The following AFF2 variants were observed in gnomAD, a reference collection of about 807,000 sequenced individuals.
AFF2 encodes the protein ALF transcription elongation factor 2, also known as AF4/FMR2 family member 2.
AFF2 carries 14 observed loss-of-function variants against 76.9 expected under a neutral mutation model. The ratio of observed to expected loss-of-function variants is 0.18; its 90% CI spans 0.12 to 0.28. The LOEUF is 0.28. Ranked by LOEUF, AFF2 falls within the 10% of genes least tolerant of loss-of-function variation. The pLI is 1.00. For missense variants in AFF2, 868 were observed against 1,001.1 expected, an observed-to-expected ratio of 0.87 and a Z score of 1.79; for synonymous variants, 398 against 366.7, an observed-to-expected ratio of 1.09 and a Z score of -0.98.
At chrX:148,593,623 T>C (rs1447783825) in intron 1 of AFF2, among the ~76,000 whole-genome samples, 2 of 112,252 alleles carry the variant, frequency 1.8e-5, no homozygotes, top group Non-Finnish European at 3.8e-5. Context: ...GCCTTATTGG[T>C]ACTGTGGACT....
intron 15 of AFF2, among the ~76,000 whole-genome samples, chrX:148,971,126 GTTTTTTTTTTT>G (rs142941450): frequency 1.4e-5 from 1 of 69,155 alleles, no homozygotes; most frequent in Non-Finnish European, 2.9e-5. Flanking sequence ...TAACTTCATT[GTTTTTTTTTTT>G]TTTTTTTTGA....
rs781913255 is a variant in AFF2, at chrX:148,837,660, C to G, written c.1100C>G (p.Ser367Cys). The stretch of plus-strand genomic sequence containing the variant: ...TTTCCTCATTAGGAGATGACCCATT[C>G]CTGGCCTACTCCTCTCACTTCCATG... ...VEEILREMTHSWPTPLTSMHT... is the reference protein window; with the variant it reads ...VEEILREMTHCWPTPLTSMHT... Residue 367 changes from serine (S) to cysteine (C), a missense_variant, in exon 5 of 21, where the codon TCC becomes TGC. This residue lies in a region of AFF2 where 532 missense variants were observed against 564.2 expected (regional missense o/e 0.94). Coordinates refer to ENST00000370460, the MANE Select transcript of AFF2 (RefSeq NM_002025.4). 8.4e-7 allele frequency: 1 copy of G among 1,184,540 alleles called. No homozygotes were observed.
chrX:148,705,723 C>A (rs1387705670), intron 3 of AFF2, among the ~76,000 whole-genome samples: 1 of 111,832 alleles, frequency 8.9e-6, no homozygotes, highest in South Asian at 3.7e-4. Context: ...TCATCAAGGC[C>A]AGTATTGGCT....
At chrX:148,543,388 G>T (rs782377621) in intron 1 of AFF2, among the ~76,000 whole-genome samples, 19 of 111,401 alleles carry the variant, frequency 1.7e-4, no homozygotes, top group Non-Finnish European at 3.2e-4. Context: ...CCTACCCTGT[G>T]CCAGTAACTG....
intron 3 of AFF2, among the ~76,000 whole-genome samples, chrX:148,745,713 C>A (rs782785044): frequency 9.0e-6 from 1 of 111,253 alleles, no homozygotes; most frequent in East Asian, 2.8e-4. Flanking sequence ...TAGGCATCAG[C>A]TGACAATCAT....
intron 9 of AFF2, among the ~76,000 whole-genome samples, chrX:148,945,799 C>T (rs910522343): frequency 8.9e-6 from 1 of 112,336 alleles, no homozygotes; most frequent in East Asian, 2.8e-4. Flanking sequence ...TAAGGTCATA[C>T]ACTGATGAAG....
chrX:148,927,575 A>G (rs782212100), intron 9 of AFF2, among the ~76,000 whole-genome samples: 70 of 111,015 alleles, frequency 6.3e-4, no homozygotes, highest in African/African-American at 2.2e-3. Flanking sequence ...AGGAAAGTAA[A>G]GATACCTGGA....
At chrX:148,654,686 A>G (rs2054234220) in intron 2 of AFF2, among the ~76,000 whole-genome samples, 1 of 109,218 alleles carries the variant, frequency 9.2e-6, no homozygotes, top group African/African-American at 3.3e-5. Flanking sequence ...ATCATGAGCT[A>G]TAGGGTAGAA....
intron 4 of AFF2, among the ~76,000 whole-genome samples, chrX:148,817,576 C>G (rs186775779): frequency 4.5e-5 from 5 of 111,843 alleles, no homozygotes; most frequent in African/African-American, 1.6e-4. Flanking sequence ...TTTTACACGA[C>G]ATAGAACAAA....
At chrX:148,682,063 A>G (rs2054556638) in intron 3 of AFF2, among the ~76,000 whole-genome samples, 1 of 112,129 alleles carries the variant, frequency 8.9e-6, no homozygotes, top group African/African-American at 3.2e-5. Context: ...GTGAAGAAAT[A>G]AAAGAAGGGT....
intron 7 of AFF2, among the ~76,000 whole-genome samples, chrX:148,869,348 G>A (rs782175824): frequency 4.4e-4 from 49 of 111,690 alleles, no homozygotes; most frequent in African/African-American, 1.5e-3. Context: ...GCACAGAATA[G>A]TCCATTTTAA....
chrX:148,827,448 G>A (rs1163474723), intron 4 of AFF2, among the ~76,000 whole-genome samples: 1 of 111,847 alleles, frequency 8.9e-6, no homozygotes, highest in African/African-American at 3.2e-5. Context: ...GACTTAGACT[G>A]AGGATTGTGT....
chrX:148,571,339 T>G (rs1032770039), intron 1 of AFF2, among the ~76,000 whole-genome samples: 1 of 111,698 alleles, frequency 9.0e-6, no homozygotes, highest in East Asian at 2.8e-4. Flanking sequence ...GCTGCAGCAT[T>G]GCTTTCCAAA....
intron 7 of AFF2, among the ~76,000 whole-genome samples, chrX:148,873,669 G>A (rs943301484): frequency 6.3e-5 from 7 of 110,351 alleles, no homozygotes; most frequent in Non-Finnish European, 7.6e-5. Flanking sequence ...ATCCATTAGC[G>A]CACTTAGAGA....
rs72611270 is a variant in AFF2 at position 148,830,505 on chromosome X, T to C, written c.1087-7142T>C. Among the ~76,000 whole-genome samples, 15 of 112,144 alleles carry C rather than the reference T, an allele frequency of 1.3e-4. No homozygotes were observed. In the East Asian group the frequency reaches 3.9e-3, roughly 29 times the overall value. On this transcript the variant is annotated intron_variant, in intron 4 of 20. Coordinates refer to ENST00000370460, the MANE Select transcript of AFF2 (RefSeq NM_002025.4). ...TTTTCTATTTCCGTAAGTGTCGGCC[T>C]GTCTGAGAAATAAAGGGAAAGAGTA...
intron 1 of AFF2, among the ~76,000 whole-genome samples, chrX:148,623,695 TAATAAA>T (rs2053893879): frequency 9.2e-6 from 1 of 109,143 alleles, no homozygotes; most frequent in African/African-American, 3.3e-5. Flanking sequence ...AATATATAGG[TAATAAA>T]AATAAAAATA....
chrX:148,944,741 T>C (rs1557285949), intron 9 of AFF2, among the ~76,000 whole-genome samples: 1 of 110,602 alleles, frequency 9.0e-6, no homozygotes, highest in African/African-American at 3.3e-5. Context: ...ACTGGGAACA[T>C]GCTGACATCC....
chrX:148,711,904 G>C (rs1327105724), intron 3 of AFF2, among the ~76,000 whole-genome samples: 2 of 111,805 alleles, frequency 1.8e-5, no homozygotes, highest in African/African-American at 3.3e-5. Flanking sequence ...TGTGGTTTAA[G>C]AGCCCTCTGC....
chrX:148,915,500 A>C (rs782007768), intron 9 of AFF2, among the ~76,000 whole-genome samples: 1 of 112,555 alleles, frequency 8.9e-6, no homozygotes, highest in African/African-American at 3.2e-5. Flanking sequence ...ACTTGGGGAA[A>C]GCATTTCAGA....
Sources: gnomAD v4.1 joint callset for allele counts (sites outside exome capture counted in the v4.1 genomes callset) on GRCh38, gnomAD v4.1.1 for gene constraint, gnomAD v4.1.1 regional missense constraint, MANE v1.5 for transcripts, NCBI Gene and HGNC (gene_info 2026-07-23, HGNC 2026-07-21) for gene names.